The following WDR27 variants were observed in gnomAD, a reference collection of about 807,000 sequenced individuals.
The protein encoded by WDR27 is WD repeat domain 27.
In WDR27, 100 loss-of-function variants were observed where a neutral mutation model predicts 114.4. That is an observed-to-expected ratio of 0.87 (90% CI 0.74 to 1.03). WDR27 has a LOEUF of 1.03. WDR27 is among the 50% of genes least tolerant of loss of function. The probability of loss-of-function intolerance (pLI) is 0.00; values close to 1 mark genes in which losing one functional copy is unlikely to be tolerated. For missense variants in WDR27, 1,129 were observed against 1,092.9 expected (o/e 1.03, Z -0.47); for synonymous variants, 449 against 423.1 (o/e 1.06, Z -0.75).
intron 25 of WDR27, among the ~76,000 whole-genome samples, chr6:169,467,579 T>C (rs962336712): frequency 2.6e-5 from 4 of 152,338 alleles, no homozygotes; most frequent in Admixed American, 2.0e-4. Context: ...CTGAGCTGTA[T>C]GTTGGCCCCT....
rs565547756 is a variant in WDR27, at chr6:169,571,721, C to T, written c.2645+698G>A. Among the ~76,000 whole-genome samples the T allele has an allele frequency of 1.5e-3, 235 of 152,194 alleles. 1 individual carries two copies. The highest frequency in any genetic ancestry group is 5.5e-3 in the African/African-American group (227 of 41,516). On this transcript the variant is annotated intron_variant, in intron 25 of 25. Transcript: ENST00000448612. ...GGGTGGTGGCTTGAGACTGCCAGTCCGAGCAACTCAGGAAGCTGAGGTGGG... is the reference window on the plus strand; with the variant it reads ...GGGTGGTGGCTTGAGACTGCCAGTCTGAGCAACTCAGGAAGCTGAGGTGGG...
At chr6:169,557,417 G>C (rs953146840) in intron 25 of WDR27, among the ~76,000 whole-genome samples, 1 of 152,184 alleles carries the variant, frequency 6.6e-6, no homozygotes, top group Non-Finnish European at 1.5e-5. Context: ...ACCCTGAGGT[G>C]GGGGGTGCGG....
intron 24 of WDR27, 100 bp downstream of exon 24, chr6:169,582,736 G>A: frequency 3.4e-6 from 3 of 878,294 alleles, no homozygotes; most frequent in Non-Finnish European, 5.3e-6. Context: ...GTAACCTTAA[G>A]TATTATAAGA....
the WDR27 span, among the ~76,000 whole-genome samples, chr6:169,435,371 G>T: frequency 6.6e-6 from 1 of 152,176 alleles, no homozygotes; most frequent in Non-Finnish European, 1.5e-5. Context: ...CCCCGGAATG[G>T]TAGATCCACC....
chr6:169,506,293 G>A (rs183405441), intron 25 of WDR27, among the ~76,000 whole-genome samples: 50 of 152,132 alleles, frequency 3.3e-4, no homozygotes, highest in Admixed American at 1.6e-3. Flanking sequence ...ATTATAATCC[G>A]TATGCCATTA....
At chr6:169,621,331 C>T (rs1476203820) in intron 21 of WDR27, among the ~76,000 whole-genome samples, 7 of 63,042 alleles carry the variant, frequency 1.1e-4, no homozygotes, top group Non-Finnish European at 2.5e-4. Flanking sequence ...CACACATATA[C>T]ATACGCACAC....
At chr6:169,432,223 G>C in the WDR27 span, among the ~76,000 whole-genome samples, 1 of 152,190 alleles carries the variant, frequency 6.6e-6, no homozygotes, top group Non-Finnish European at 1.5e-5. Context: ...TCAAGGATGA[G>C]GAACTGAGAC....
chr6:169,541,078 C>A (rs966626091), intron 25 of WDR27, among the ~76,000 whole-genome samples: 1 of 147,068 alleles, frequency 6.8e-6, no homozygotes. Flanking sequence ...GCAAGGTGAA[C>A]AAGGAAAAGC....
At chr6:169,668,360 G>C (rs932549619) in intron 4 of WDR27, among the ~76,000 whole-genome samples, 175 bp from the exon 5 acceptor site, 1 of 152,130 alleles carries the variant, frequency 6.6e-6, no homozygotes, top group Non-Finnish European at 1.5e-5. Flanking sequence ...TTAGGAAGCT[G>C]GCGTCTCCTC....
chr6:169,596,907 T>C (rs1806902089), intron 23 of WDR27, among the ~76,000 whole-genome samples: 1 of 152,212 alleles, frequency 6.6e-6, no homozygotes, highest in South Asian at 2.1e-4. Context: ...TCTTCCATTA[T>C]GATTGAAGAT....
chr6:169,619,753 G>A (rs1812675227), intron 21 of WDR27, among the ~76,000 whole-genome samples: 1 of 152,214 alleles, frequency 6.6e-6, no homozygotes, highest in Non-Finnish European at 1.5e-5. Context: ...ATTAGTGGCT[G>A]CCCTTGGAGA....
chr6:169,498,709 A>G (rs1790711893), intron 25 of WDR27, among the ~76,000 whole-genome samples: 1 of 152,250 alleles, frequency 6.6e-6, no homozygotes, highest in Admixed American at 6.5e-5. Context: ...GAAGACGTGA[A>G]GTGAAAATAG....
rs533463085 is a variant in WDR27 at position 169,568,003 on chromosome 6, A to G, written c.2645+4416T>C. ...CGCAGAAAAGCAGCATCTGTGTTCC[A>G]GGATGAGTAAACAGAGACCCAAGGG... On this transcript the variant is annotated intron_variant, in intron 25 of 25. Transcript: ENST00000448612. Among the ~76,000 whole-genome samples, 104 of 152,368 alleles carry G rather than the reference A, an allele frequency of 6.8e-4. No homozygotes were observed. In the South Asian group the frequency reaches 0.021, roughly 31 times the overall value.
At chr6:169,648,520 A>G (rs975856575) in intron 15 of WDR27, among the ~76,000 whole-genome samples, 3 of 152,268 alleles carry the variant, frequency 2.0e-5, no homozygotes, top group African/African-American at 7.2e-5. Context: ...CACGTGCGTA[A>G]TATCAGGCAG....
chr6:169,698,804 C>G (rs886809292), intron 1 of WDR27, among the ~76,000 whole-genome samples: 2 of 152,220 alleles, frequency 1.3e-5, no homozygotes, highest in African/African-American at 4.8e-5. Flanking sequence ...GGTGGTGGCA[C>G]CTGGCAGCCT....
intron 1 of WDR27, among the ~76,000 whole-genome samples, chr6:169,697,922 T>C (rs1441804151): frequency 5.9e-5 from 9 of 152,214 alleles, no homozygotes; most frequent in African/African-American, 2.2e-4. Context: ...TCTTTATTTC[T>C]ACACTCGTCC....
rs185255902 is a variant in WDR27 at position 169,649,275 on chromosome 6, A to T, written c.1482T>A (p.His494Gln). 2.6e-6 allele frequency: 4 copies of T among 1,566,708 alleles called. No homozygotes were observed. The highest frequency in any genetic ancestry group is 2.6e-6 in the Non-Finnish European group (3 of 1,154,560). The change falls in exon 15 of 26, where the codon CAT (histidine) becomes CAA (glutamine). Residue 494 changes from histidine to glutamine, a missense_variant and splice_region_variant. By Grantham distance (24) the His-to-Gln change is conservative (BLOSUM62 0). Transcript: ENST00000448612. The part of the protein sequence containing the change: ...VRSSGYASAP[H>Q]VTMFSPKTNI... ...TGGTCTTTGGTGAAAACATAGTTAC[A>T]CTGTGGAAAGAAAACTCTAATATCA...
At chr6:169,533,840 T>TGTGC (rs1487517782) in intron 25 of WDR27, among the ~76,000 whole-genome samples, 1 of 151,954 alleles carries the variant, frequency 6.6e-6, no homozygotes, top group African/African-American at 2.4e-5. Flanking sequence ...TGTGTGTGTG[T>TGTGC]GTGTGTGTGC....
intron 22 of WDR27, among the ~76,000 whole-genome samples, chr6:169,612,631 T>A (rs1271394290): frequency 0.013 from 1,250 of 96,860 alleles, no homozygotes; most frequent in African/African-American, 0.015. Context: ...CTGTCTAACA[T>A]AAAAAAAAAA....
Sources: allele counts gnomAD v4.1 joint callset (sites outside exome capture counted in the v4.1 genomes callset), GRCh38; gene constraint gnomAD v4.1.1; transcripts MANE v1.5; gene names NCBI Gene and HGNC (gene_info 2026-07-23, HGNC 2026-07-21).